CDK19: variants seen among roughly 807,000 people sequenced by gnomAD.
CDK19 encodes cyclin-dependent kinase 19.
In CDK19, 20 loss-of-function variants were observed where a neutral mutation model predicts 68.3. The observed-to-expected ratio is 0.29, with a 90% confidence interval of 0.21 to 0.43. CDK19 has a LOEUF of 0.43. CDK19 is among the 20% of genes least tolerant of loss of function. CDK19 has a pLI of 1.00. For missense variants in CDK19, 339 were observed against 623.5 expected (o/e 0.54, Z 4.86); for synonymous variants, 221 against 222.8 (o/e 0.99, Z 0.07).
rs1031258876 is a variant in CDK19, at chr6:110,669,392, G to C, written c.315+1039C>G. 9.2e-5 allele frequency among the ~76,000 whole-genome samples: 14 copies of C among 152,150 alleles called. 1 individual carries two copies. Among genetic ancestry groups the C allele is most frequent in the African/African-American group, 3.1e-4 (13 of 41,434 alleles). On this transcript the variant is annotated intron_variant, in intron 3 of 12. Transcript: ENST00000368911. ...CTTGGAAGGCTGAGGCAGGAGGATC[G>C]CTTGAGCCCAGGAGGTCAAAGGTGC...
chr6:110,792,892 C>T (rs764454492), intron 1 of CDK19, among the ~76,000 whole-genome samples: 15 of 152,126 alleles, frequency 9.9e-5, no homozygotes, highest in South Asian at 2.1e-4. Context: ...TAATGCTTTG[C>T]TGGAGACTTT....
intron 1 of CDK19, among the ~76,000 whole-genome samples, chr6:110,778,933 A>T (rs1780606276): frequency 6.6e-6 from 1 of 152,140 alleles, no homozygotes. Flanking sequence ...AGGGACAGTC[A>T]AGCAGACAGA....
At chr6:110,648,538 C>CTTTT (rs60624969) in intron 4 of CDK19, among the ~76,000 whole-genome samples, 1,977 of 120,170 alleles carry the variant, frequency 0.016, 58 homozygotes, top group African/African-American at 0.056. Context: ...TTTTTCTTTT[C>CTTTT]TTTTTTTTTT....
At chr6:110,744,541 A>T (rs967356560) in intron 2 of CDK19, among the ~76,000 whole-genome samples, 19 of 152,174 alleles carry the variant, frequency 1.2e-4, no homozygotes, top group Admixed American at 4.6e-4. Flanking sequence ...CTAAAAAAAA[A>T]TTTAAAAATA....
rs1327790433 is a variant in CDK19, at chr6:110,772,796, A to G, written c.129-26595T>C. 2.7e-5 allele frequency among the ~76,000 whole-genome samples: 4 copies of G among 150,118 alleles called. No individual in the cohort carries two copies. The East Asian group carries it at 6.1e-4, about 23-fold the overall frequency. On this transcript the variant is annotated intron_variant, in intron 1 of 12. Coordinates refer to ENST00000368911, the MANE Select transcript of CDK19 (RefSeq NM_015076.5). ...TGGTCCCAGCTACTTGGGAGGCTGA[A>G]GTGGGAGGATTGCTTAGGCCTGGGA...
At position 110,804,911 on chromosome 6, in the gene CDK19, G is replaced by A. The variant is rs576732750; in HGVS notation, c.128+10098C>T. Among the ~76,000 whole-genome samples, 27 of 151,376 alleles carry A rather than the reference G, an allele frequency of 1.8e-4. No homozygotes were observed. In the South Asian group the frequency reaches 4.8e-3, roughly 27 times the overall value. On this transcript the variant is annotated intron_variant, in intron 1 of 12. Coordinates refer to ENST00000368911, the MANE Select transcript of CDK19 (RefSeq NM_015076.5). ...GCGGAGCTTGCAGTGAGCCGAGATCGCGCCACTGCACTCCAACCTGGGCGA... is the reference window on the plus strand; with the variant it reads ...GCGGAGCTTGCAGTGAGCCGAGATCACGCCACTGCACTCCAACCTGGGCGA...
chr6:110,694,037 C>T (rs1265638354), intron 2 of CDK19, among the ~76,000 whole-genome samples: 2 of 135,834 alleles, frequency 1.5e-5, no homozygotes, highest in South Asian at 2.5e-4. Context: ...CTCCTCATAG[C>T]ATAAATCTCA....
chr6:110,736,488 T>C (rs112993511), intron 2 of CDK19, among the ~76,000 whole-genome samples: 13 of 152,312 alleles, frequency 8.5e-5, no homozygotes, highest in African/African-American at 3.1e-4. Flanking sequence ...TCAAGTTCTT[T>C]CCCACATTAC....
intron 4 of CDK19, among the ~76,000 whole-genome samples, chr6:110,666,178 G>C (rs924337325): frequency 1.7e-4 from 26 of 150,452 alleles, no homozygotes; most frequent in African/African-American, 6.1e-4. Context: ...CACTTTGGGA[G>C]GCCGAGGAGG....
chr6:110,742,985 C>T (rs1443098162), intron 2 of CDK19, among the ~76,000 whole-genome samples: 2 of 152,136 alleles, frequency 1.3e-5, no homozygotes, highest in Admixed American at 1.3e-4. Context: ...GGTTTTGCGG[C>T]TCAGGGGACA....
chr6:110,754,372 A>T (rs903489565), intron 1 of CDK19, among the ~76,000 whole-genome samples: 14 of 152,126 alleles, frequency 9.2e-5, no homozygotes, highest in Non-Finnish European at 1.8e-4. Context: ...ATGAATTTTT[A>T]AAAAATGTAT....
intron 4 of CDK19, among the ~76,000 whole-genome samples, chr6:110,641,640 GGA>G (rs1780181758): frequency 7.6e-6 from 1 of 131,332 alleles, no homozygotes; most frequent in African/African-American, 3.0e-5. Flanking sequence ...AGGAGGAAAG[GGA>G]AAGAAAGGAA....
intron 10 of CDK19, 144 bp from the exon 11 acceptor site, chr6:110,622,310 A>G: frequency 1.6e-6 from 1 of 612,440 alleles, no homozygotes; most frequent in South Asian, 2.2e-5. Context: ...GACTGCTGCT[A>G]GCTAGTTGAC....
chr6:110,703,399 G>T (rs1429846283), intron 2 of CDK19, among the ~76,000 whole-genome samples: 1 of 151,916 alleles, frequency 6.6e-6, no homozygotes, highest in Non-Finnish European at 1.5e-5. Flanking sequence ...GTTAAATGGA[G>T]TTTTTATATG....
rs772735672 is a variant in CDK19 at position 110,668,368 on chromosome 6, T to G, written c.316-794A>C. On this transcript the variant is annotated intron_variant, in intron 3 of 12. Coordinates refer to ENST00000368911, the MANE Select transcript of CDK19 (RefSeq NM_015076.5). ...GTAACTTTAAGATGACCAAATGGTA[T>G]GTAAAATTATTAAGCTATTTATACA... 2.4e-4 allele frequency among the ~76,000 whole-genome samples: 36 copies of G among 152,366 alleles called. 1 individual carries two copies. The highest frequency in any genetic ancestry group is 2.1e-4 in the South Asian group (1 of 4,826).
chr6:110,759,009 C>T (rs543891033), intron 1 of CDK19, among the ~76,000 whole-genome samples: 11 of 152,136 alleles, frequency 7.2e-5, no homozygotes, highest in Admixed American at 5.2e-4. Context: ...TGCCTGTAAT[C>T]CTAGCACTTA....
intron 4 of CDK19, chr6:110,643,205 C>G: frequency 1.6e-6 from 2 of 1,287,356 alleles, no homozygotes; most frequent in Non-Finnish European, 2.0e-6. Context: ...TTAGGCCTGA[C>G]GAGTAAAACA....
In CDK19 at chr6:110,697,714, C is replaced by T. The variant is rs375843390; in HGVS notation, c.205-27173G>A. ...AAGAGCCCACATAGCCAAAGCAAGACTAGGCAAAAAGAACAAAGCTGGAGG... is the reference window on the plus strand; with the variant it reads ...AAGAGCCCACATAGCCAAAGCAAGATTAGGCAAAAAGAACAAAGCTGGAGG... On this transcript the variant is annotated intron_variant, in intron 2 of 12. Transcript: ENST00000368911. 2.8e-4 allele frequency among the ~76,000 whole-genome samples: 42 copies of T among 151,626 alleles called. No individual in the cohort carries two copies. The South Asian group carries it at 8.7e-3, about 32-fold the overall frequency.
chr6:110,697,101 T>C (rs1441464565), intron 2 of CDK19, among the ~76,000 whole-genome samples: 1 of 149,558 alleles, frequency 6.7e-6, no homozygotes, highest in Non-Finnish European at 1.5e-5. Context: ...GGCATGGTGG[T>C]GGGTGCCCAT....
Sources: gnomAD v4.1 joint callset for allele counts (sites outside exome capture counted in the v4.1 genomes callset) on GRCh38, gnomAD v4.1.1 for gene constraint, MANE v1.5 for transcripts, NCBI Gene and HGNC (gene_info 2026-07-23, HGNC 2026-07-21) for gene names.